THSD4: variants seen among roughly 807,000 people sequenced by gnomAD.
THSD4 encodes the protein thrombospondin type 1 domain containing 4.
Under a neutral mutation model 119.0 loss-of-function variants are expected in THSD4, and 69 were observed. The observed-to-expected ratio is 0.58, with a 90% CI of 0.48 to 0.71. The LOEUF (loss-of-function observed/expected upper bound fraction) is 0.71, where lower values mean the gene tolerates loss of function less well. THSD4 is among the 30% of genes least tolerant of loss of function. The pLI is 0.00. For synonymous variants in THSD4, 524 were observed against 540.4 expected (o/e 0.97, Z 0.42); for missense variants, 1,393 against 1,391.1 (o/e 1.00, Z -0.02).
At chr15:71,698,994 G>A (rs1198658297) in intron 8 of THSD4, among the ~76,000 whole-genome samples, 4 of 152,000 alleles carry the variant, frequency 2.6e-5, no homozygotes, top group Non-Finnish European at 4.4e-5. Context: ...AGAGCTCTAC[G>A]ATACAGTATA....
intron 7 of THSD4, among the ~76,000 whole-genome samples, chr15:71,598,917 G>A (rs1026757072): frequency 6.6e-5 from 10 of 152,082 alleles, no homozygotes; most frequent in African/African-American, 1.7e-4. Flanking sequence ...GCATCTGACC[G>A]GAACTTATTT....
At chr15:71,208,784 G>T (rs953221428) in intron 3 of THSD4, among the ~76,000 whole-genome samples, 20 of 152,016 alleles carry the variant, frequency 1.3e-4, no homozygotes, top group African/African-American at 4.8e-4. Flanking sequence ...AGTACTGGGA[G>T]TACAGATATG....
At position 71,628,222 on chromosome 15, in the gene THSD4, C is replaced by T. The variant is rs542140752; in HGVS notation, c.1153-32308C>T. Reference sequence around the variant, plus strand: ...GAGAGCTTTGAAAGGAGGGAGGATTCCATTGACAGAGGAGCAGAAGCCTTG... The same window carrying T: ...GAGAGCTTTGAAAGGAGGGAGGATTTCATTGACAGAGGAGCAGAAGCCTTG... On this transcript the variant is annotated intron_variant, in intron 7 of 17. Transcript: ENST00000261862. Among the ~76,000 whole-genome samples, 157 of 152,154 alleles carry T rather than the reference C, an allele frequency of 1.0e-3. 1 individual carries two copies. Among genetic ancestry groups the T allele is most frequent in the African/African-American group, 3.7e-3 (154 of 41,508 alleles).
rs554073134 is a variant in THSD4, at chr15:71,396,888, T to C, written c.1016-14799T>C. ...GTGACATGAGAGAAATAGGAAACATTTCAGAAAAAGGTTGGGTAACTTGGA... is the reference window on the plus strand; with the variant it reads ...GTGACATGAGAGAAATAGGAAACATCTCAGAAAAAGGTTGGGTAACTTGGA... On this transcript the variant is annotated intron_variant, in intron 6 of 17. Coordinates refer to ENST00000261862, the MANE Select transcript of THSD4 (RefSeq NM_024817.3). 9.2e-4 allele frequency among the ~76,000 whole-genome samples: 140 copies of C among 152,308 alleles called. 4 individuals are homozygous for C. The South Asian group carries it at 0.027, about 30-fold the overall frequency.
chr15:71,764,562 T>G (rs903541377), intron 15 of THSD4, among the ~76,000 whole-genome samples: 1 of 152,208 alleles, frequency 6.6e-6, no homozygotes, highest in Admixed American at 6.5e-5. Context: ...CAGCTTTGGG[T>G]GTTCACAGGT....
rs747154882 is a variant in THSD4 at position 71,381,183 on chromosome 15, AG to A, written c.1016-30502del. ...AGAACTTGTAATAAGGGAAACTTTA[AG>A]GACTCAGGAAGGGCCCCAGGGCCTC... is the stretch of plus-strand genomic sequence containing the variant. On this transcript the variant is annotated intron_variant, in intron 6 of 17. Coordinates refer to ENST00000261862, the MANE Select transcript of THSD4 (RefSeq NM_024817.3). Among the ~76,000 whole-genome samples the A allele has an allele frequency of 3.3e-5, 5 of 152,332 alleles. No individual in the cohort carries two copies. The South Asian group carries it at 8.3e-4, about 25-fold the overall frequency.
At chr15:71,172,724 T>G (rs1463848920) in intron 3 of THSD4, among the ~76,000 whole-genome samples, 1 of 120,136 alleles carries the variant, frequency 8.3e-6, no homozygotes, top group East Asian at 2.3e-4. Context: ...TATATATATA[T>G]ATATATATAT....
At chr15:71,467,804 G>T (rs1477366769) in intron 7 of THSD4, among the ~76,000 whole-genome samples, 2 of 151,212 alleles carry the variant, frequency 1.3e-5, no homozygotes, top group African/African-American at 4.9e-5. Flanking sequence ...TCTTTCTCAT[G>T]CTGTTCCCAT....
At chr15:71,192,920 A>G (rs1047986222) in intron 3 of THSD4, among the ~76,000 whole-genome samples, 2 of 152,072 alleles carry the variant, frequency 1.3e-5, no homozygotes, top group African/African-American at 4.8e-5. Context: ...TCCATCCTTC[A>G]TGGGAATCGT....
At chr15:71,704,667 GTTA>G (rs1254438093) in intron 8 of THSD4, among the ~76,000 whole-genome samples, 1 of 152,190 alleles carries the variant, frequency 6.6e-6, no homozygotes, top group Admixed American at 6.5e-5. Context: ...TATTTATTCA[GTTA>G]TTATGCATGT....
At chr15:71,433,358 A>G (rs2046966347) in intron 7 of THSD4, among the ~76,000 whole-genome samples, 1 of 151,270 alleles carries the variant, frequency 6.6e-6, no homozygotes, top group South Asian at 2.1e-4. Flanking sequence ...ATAAATGTTT[A>G]TCCCATTCAT....
chr15:71,694,793 C>G (rs1031513068), intron 8 of THSD4, among the ~76,000 whole-genome samples: 34 of 152,072 alleles, frequency 2.2e-4, no homozygotes, highest in African/African-American at 8.2e-4. Context: ...AGTCCATAGC[C>G]CCTTGATAGC....
chr15:71,174,599 AAAGCAGCCCGG>A (rs1794290487), intron 3 of THSD4, among the ~76,000 whole-genome samples: 1 of 36,720 alleles, frequency 2.7e-5, no homozygotes, highest in South Asian at 1.3e-3. Flanking sequence ...TTAGGTAAAC[AAAGCAGCCCGG>A]AAGCTCGAAC....
chr15:71,438,219 G>A (rs1020029957), intron 7 of THSD4, among the ~76,000 whole-genome samples: 1 of 152,022 alleles, frequency 6.6e-6, no homozygotes, highest in Non-Finnish European at 1.5e-5. Flanking sequence ...TTTCTATTGG[G>A]TTGCTGATCT....
intron 7 of THSD4, among the ~76,000 whole-genome samples, chr15:71,549,202 T>A (rs2048888880): frequency 6.6e-6 from 1 of 152,234 alleles, no homozygotes; most frequent in Non-Finnish European, 1.5e-5. Context: ...TAAAAGTATG[T>A]GTGCTTAACA....
intron 14 of THSD4, among the ~76,000 whole-genome samples, chr15:71,749,697 T>TTTTATTTA (rs71131703): frequency 0.089 from 12,209 of 137,540 alleles, 899 homozygotes; most frequent in African/African-American, 0.16. Flanking sequence ...ATTTTTAAAT[T>TTTTATTTA]TTTATTTATT....
intron 6 of THSD4, among the ~76,000 whole-genome samples, chr15:71,274,584 G>A (rs546491720): frequency 2.8e-4 from 42 of 152,278 alleles, no homozygotes; most frequent in African/African-American, 9.9e-4. Context: ...CTGCTGCCAA[G>A]TAGGAGTATA....
At chr15:71,495,644 A>G (rs570393046) in intron 7 of THSD4, among the ~76,000 whole-genome samples, 1 of 152,326 alleles carries the variant, frequency 6.6e-6, no homozygotes, top group African/African-American at 2.4e-5. Context: ...GACACTGTAA[A>G]GGATTAAAAT....
chr15:71,625,105 C>T (rs2050484129), intron 7 of THSD4, among the ~76,000 whole-genome samples: 1 of 152,130 alleles, frequency 6.6e-6, no homozygotes, highest in African/African-American at 2.4e-5. Flanking sequence ...CCTCCAGGTT[C>T]AAGTGATTCT....
Sources: gnomAD v4.1 joint callset for allele counts (sites outside exome capture counted in the v4.1 genomes callset) on GRCh38, gnomAD v4.1.1 for gene constraint, MANE v1.5 for transcripts, NCBI Gene and HGNC (gene_info 2026-07-23, HGNC 2026-07-21) for gene names.